Variants in NSF observed in about 807,000 individuals in gnomAD.
The protein encoded by NSF is N-ethylmaleimide sensitive factor, vesicle fusing ATPase.
Under a neutral mutation model 50.3 loss-of-function variants are expected in NSF, and 14 were observed. The observed-to-expected ratio is 0.28, with a 90% CI of 0.18 to 0.44. The LOEUF (loss-of-function observed/expected upper bound fraction) is 0.44, where lower values mean the gene tolerates loss of function less well. NSF is among the 20% of genes least tolerant of loss of function. The pLI, the probability that NSF is intolerant of heterozygous loss-of-function variation, is 1.00. For synonymous variants in NSF, 109 were observed against 175.7 expected (o/e 0.62, Z 3.00); for missense variants, 218 against 504.3 (o/e 0.43, Z 5.44).
At position 46,631,107 on chromosome 17, in the gene NSF, T is replaced by C. The variant is rs867456578; in HGVS notation, c.238+657T>C. 3.1e-3 allele frequency among the ~76,000 whole-genome samples: 173 copies of C among 55,348 alleles called. No homozygotes were observed. The South Asian group carries it at 0.035, about 11-fold the overall frequency. 36.3% of individuals were successfully genotyped at this position (55,348 alleles called of 152,430 possible). A position where few individuals can be genotyped will look rare whatever the true frequency, so the allele number is the denominator to read the frequency against. On this transcript the variant is annotated intron_variant, in intron 4 of 20. Transcript: ENST00000398238. The stretch of plus-strand genomic sequence containing the variant: ...ACACACACACACACACACACACACA[T>C]CTTTTATCCTACTCCTCATTTAGGA...
chr17:46,738,638 G>A (rs1018923408), intron 17 of NSF, among the ~76,000 whole-genome samples: 1 of 152,172 alleles, frequency 6.6e-6, no homozygotes, highest in African/African-American at 2.4e-5. Flanking sequence ...TGAGTTTTTT[G>A]TACCTTTTCT....
chr17:46,748,525 T>C (rs1399925256), intron 17 of NSF, among the ~76,000 whole-genome samples: 1 of 152,116 alleles, frequency 6.6e-6, no homozygotes, highest in Non-Finnish European at 1.5e-5. Context: ...CCTCCCTCAC[T>C]CTTTCTGAGG....
intron 18 of NSF, 98 bp downstream of exon 18, chr17:46,750,005 A>T (rs2059166162): frequency 9.8e-6 from 13 of 1,330,256 alleles, no homozygotes; most frequent in East Asian, 2.3e-5. Context: ...TTTTTATGCT[A>T]ATCTGGAACA....
chr17:46,699,528 T>C (rs1342887795), intron 12 of NSF, among the ~76,000 whole-genome samples: 1 of 148,450 alleles, frequency 6.7e-6, no homozygotes, highest in Non-Finnish European at 1.5e-5. Context: ...TTTTGATTGA[T>C]TAAGGTCATT....
At chr17:46,716,305 G>A (rs995009584) in intron 15 of NSF, among the ~76,000 whole-genome samples, 3 of 148,886 alleles carry the variant, frequency 2.0e-5, no homozygotes, top group African/African-American at 7.4e-5. Flanking sequence ...CGCCCAGGCT[G>A]GAGTACAGTG....
At chr17:46,736,007 G>A (rs2059000371) in intron 17 of NSF, among the ~76,000 whole-genome samples, 1 of 152,102 alleles carries the variant, frequency 6.6e-6, no homozygotes, top group African/African-American at 2.4e-5. Flanking sequence ...TAGGAAAACT[G>A]AAGAACGTAT....
chr17:46,726,619 A>C lies in NSF; in HGVS notation c.1828+4A>C. The C allele has an allele frequency of 6.2e-7, 1 of 1,613,200 alleles. No homozygotes were observed. The highest frequency in any genetic ancestry group is 1.7e-5 in the Admixed American group (1 of 60,014). ...GATGACATTGAGAGATTGCTTGGTG[A>C]GTCCTAACTTCTGCTGTTGTATTAT... On this transcript the variant is annotated splice_donor_region_variant and intron_variant, in intron 16 of 20. Transcript: ENST00000398238.
At chr17:46,634,648 A>G (rs2058166773) in intron 4 of NSF, among the ~76,000 whole-genome samples, 1 of 6,956 alleles carries the variant, frequency 1.4e-4, no homozygotes, top group African/African-American at 1.9e-4. Flanking sequence ...GTGCCACTGC[A>G]CTCCAGCCTG....
chr17:46,732,561 T>A (rs1348274060), intron 17 of NSF, among the ~76,000 whole-genome samples: 3 of 152,174 alleles, frequency 2.0e-5, no homozygotes, highest in Non-Finnish European at 4.4e-5. Flanking sequence ...ATTCAGTGGA[T>A]TTGCTTTAAA....
At chr17:46,709,599 A>G (rs1384031721) in intron 13 of NSF, among the ~76,000 whole-genome samples, 1 of 151,852 alleles carries the variant, frequency 6.6e-6, no homozygotes, top group Non-Finnish European at 1.5e-5. Flanking sequence ...GGTTCAAGCA[A>G]TTCTCCTACC....
At chr17:46,713,769 G>A (rs1428551975) in intron 14 of NSF, 84 bp from the exon 15 acceptor site, 2 of 1,361,256 alleles carry the variant, frequency 1.5e-6, no homozygotes, top group African/African-American at 1.5e-5. Context: ...ACCTCAGTAT[G>A]TTCTGGATAA....
intron 16 of NSF, among the ~76,000 whole-genome samples, chr17:46,727,616 T>C (rs1332867187): frequency 1.3e-5 from 2 of 152,192 alleles, no homozygotes; most frequent in African/African-American, 4.8e-5. Context: ...GGTATATCTG[T>C]GAGGTCTCCA....
intron 1 of NSF, among the ~76,000 whole-genome samples, chr17:46,620,315 CTTT>C (rs1231088449): frequency 0.01 from 92 of 8,920 alleles, no homozygotes; most frequent in Non-Finnish European, 0.012. Flanking sequence ...CTCTCGCTCT[CTTT>C]TTTTTTTTTT....
chr17:46,709,211 A>G (rs1186401916), intron 13 of NSF, among the ~76,000 whole-genome samples: 3 of 152,120 alleles, frequency 2.0e-5, no homozygotes, highest in Admixed American at 1.3e-4. Context: ...TTTTATTACT[A>G]TTGTGACTTT....
chr17:46,719,163 C>CATTT lies in NSF; in HGVS notation c.1761+5177_1761+5178insATTT, dbSNP rs1167438983. 2.0e-5 allele frequency among the ~76,000 whole-genome samples: 3 copies of CATTT among 152,124 alleles called. No individual in the cohort carries two copies. The highest frequency in any genetic ancestry group is 7.2e-5 in the African/African-American group (3 of 41,428). ...TATTTCTTTAGCTACATTTCAATGA[C>CATTT]TAAATGCTCAAATTTAAGATTTTTC... On this transcript the variant is annotated intron_variant, in intron 15 of 20. Coordinates refer to ENST00000398238, the MANE Select transcript of NSF (RefSeq NM_006178.4). The surrounding 1 kb of genome is among the most constrained non-coding windows in gnomAD (Gnocchi z 4.3).
At chr17:46,724,552 T>G (rs1003105143) in intron 15 of NSF, among the ~76,000 whole-genome samples, 1 of 152,184 alleles carries the variant, frequency 6.6e-6, no homozygotes, top group Non-Finnish European at 1.5e-5. Context: ...CCCATAGTTA[T>G]GCCTAACTTC....
At chr17:46,750,513 A>G (rs542072628) in intron 18 of NSF, among the ~76,000 whole-genome samples, 119 of 152,312 alleles carry the variant, frequency 7.8e-4, no homozygotes, top group Non-Finnish European at 1.0e-3. Context: ...AAAGTTTCCA[A>G]TTTTGGAGCA....
rs546489271 is a variant in NSF at position 46,724,166 on chromosome 17, T to A, written c.1762-2383T>A. 4.1e-4 allele frequency among the ~76,000 whole-genome samples: 63 copies of A among 152,328 alleles called. 2 individuals are homozygous for A. The South Asian group carries it at 0.012, about 30-fold the overall frequency. On this transcript the variant is annotated intron_variant, in intron 15 of 20. Transcript: ENST00000398238. ...TTCCACCCTTTCCACTGGTTAACTG[T>A]TGTTCATGCTTCAAGTCTCAGGTTA...
chr17:46,727,341 G>T (rs1336748159), intron 16 of NSF, among the ~76,000 whole-genome samples: 2 of 152,162 alleles, frequency 1.3e-5, no homozygotes, highest in Non-Finnish European at 2.9e-5. Flanking sequence ...AATTAAATCA[G>T]TCTGACATAA....
Sources: gnomAD v4.1 joint callset for allele counts (sites outside exome capture counted in the v4.1 genomes callset) on GRCh38, gnomAD v4.1.1 for gene constraint, Gnocchi (gnomAD v3.1) non-coding constraint, MANE v1.5 for transcripts, NCBI Gene and HGNC (gene_info 2026-07-23, HGNC 2026-07-21) for gene names.